BAALC: variants seen among roughly 807,000 people sequenced by gnomAD.
The protein encoded by BAALC is BAALC binder of MAP3K1 and KLF4.
Under a neutral mutation model 15.5 loss-of-function variants are expected in BAALC, and 9 were observed. The ratio of observed to expected loss-of-function variants is 0.58; its 90% CI spans 0.35 to 1.02. The LOEUF is 1.02. BAALC is among the 50% of genes least tolerant of loss of function. The probability of loss-of-function intolerance (pLI) is 0.02; values close to 1 mark genes in which losing one functional copy is unlikely to be tolerated. For missense variants in BAALC, 201 were observed against 192.4 expected (o/e 1.04, Z -0.27); for synonymous variants, 80 against 74.6 (o/e 1.07, Z -0.37).
chr8:103,213,295 A>G (rs965384138), intron 2 of BAALC: 9 of 540,650 alleles, frequency 1.7e-5, no homozygotes, highest in Non-Finnish European at 1.3e-5. Flanking sequence ...TTCCATGTGT[A>G]TGTTTGCTTA....
intron 1 of BAALC, among the ~76,000 whole-genome samples, chr8:103,150,204 C>T (rs1432588949): frequency 6.6e-6 from 1 of 152,178 alleles, no homozygotes; most frequent in East Asian, 1.9e-4. Context: ...ATGGGAAAGA[C>T]TCACCCCCAT....
At chr8:103,177,403 T>C (rs1477473054) in intron 1 of BAALC, among the ~76,000 whole-genome samples, 1 of 152,172 alleles carries the variant, frequency 6.6e-6, no homozygotes, top group Non-Finnish European at 1.5e-5. Flanking sequence ...CAGGCTGGTC[T>C]CAAACTCCTG....
At chr8:103,221,664 G>T (rs1297907910) in intron 2 of BAALC, among the ~76,000 whole-genome samples, 1 of 152,144 alleles carries the variant, frequency 6.6e-6, no homozygotes, top group African/African-American at 2.4e-5. Context: ...TCTTCTCAGC[G>T]GAGGGCAAAA....
At chr8:103,170,775 T>G (rs181719341) in intron 1 of BAALC, among the ~76,000 whole-genome samples, 1 of 152,294 alleles carries the variant, frequency 6.6e-6, no homozygotes, top group Admixed American at 6.5e-5. Flanking sequence ...TACAGATAGG[T>G]ATTAAGTTAC....
In BAALC at chr8:103,212,934, G is replaced by T. The variant is rs1461200476; in HGVS notation, c.176G>T (p.Gly59Val). 3.1e-6 allele frequency: 5 copies of T among 1,613,166 alleles called. No homozygotes were observed. The highest frequency in any genetic ancestry group is 3.4e-6 in the Non-Finnish European group (4 of 1,179,354). The change falls in exon 2 of 3, where the codon GGA becomes GTA. Residue 59 changes from glycine to valine, a missense_variant. Transcript: ENST00000309982. Reference protein sequence around the residue: ...GGLHSGMLEDGLPSNGVPRST... With the variant: ...GGLHSGMLEDVLPSNGVPRST... ...CCTCCCCCAGGCATGCTGGAAGATG[G>T]ACTGCCCTCCAATGGTGTGCCCCGA...
intron 1 of BAALC, among the ~76,000 whole-genome samples, chr8:103,147,193 G>A (rs1810895627): frequency 6.6e-6 from 1 of 152,188 alleles, no homozygotes; most frequent in African/African-American, 2.4e-5. Flanking sequence ...ATTGAACCTT[G>A]TCTTCATTGG....
intron 1 of BAALC, among the ~76,000 whole-genome samples, chr8:103,157,484 T>C (rs1285256592): frequency 6.6e-6 from 1 of 152,142 alleles, no homozygotes; most frequent in African/African-American, 2.4e-5. Flanking sequence ...AATACTTTAG[T>C]ATGAATCTCT....
At chr8:103,201,760 C>A (rs1009806755) in intron 1 of BAALC, among the ~76,000 whole-genome samples, 12 of 152,144 alleles carry the variant, frequency 7.9e-5, no homozygotes, top group African/African-American at 2.9e-4. Flanking sequence ...AAACTAGAAG[C>A]CTCAGATGTA....
At chr8:103,225,470 T>C (rs1812785751) in intron 2 of BAALC, among the ~76,000 whole-genome samples, 1 of 152,184 alleles carries the variant, frequency 6.6e-6, no homozygotes, top group Admixed American at 6.5e-5. Flanking sequence ...ATGCAAGTAA[T>C]TCTCATGCAA....
chr8:103,202,179 A>C (rs935430512), intron 1 of BAALC, among the ~76,000 whole-genome samples: 5 of 152,232 alleles, frequency 3.3e-5, no homozygotes, highest in African/African-American at 1.2e-4. Context: ...ATATGGCCTG[A>C]GCTGTGTACC....
At chr8:103,168,310 T>C (rs1043709584) in intron 1 of BAALC, among the ~76,000 whole-genome samples, 2 of 152,166 alleles carry the variant, frequency 1.3e-5, no homozygotes, top group African/African-American at 4.8e-5. Flanking sequence ...TAAGGCCTGA[T>C]CTATTGATTA....
chr8:103,180,319 T>C (rs1422484054), intron 1 of BAALC, among the ~76,000 whole-genome samples: 2 of 152,126 alleles, frequency 1.3e-5, no homozygotes, highest in Non-Finnish European at 2.9e-5. Context: ...TTTCCAGAAA[T>C]CTAACTGCAT....
In BAALC at chr8:103,205,626, G is replaced by A. The variant is rs1812311093; in HGVS notation, c.161-7293G>A. Among the ~76,000 whole-genome samples the A allele has an allele frequency of 2.0e-5, 3 of 152,154 alleles. 1 individual carries two copies. The highest frequency in any genetic ancestry group is 4.4e-5 in the Non-Finnish European group (3 of 68,044). ...ATCCCCTGCCTTAGAATCCCTGGGGGTGGGATACAGGGAACTTGTTAAGAT... is the reference window on the plus strand; with the variant it reads ...ATCCCCTGCCTTAGAATCCCTGGGGATGGGATACAGGGAACTTGTTAAGAT... On this transcript the variant is annotated intron_variant, in intron 1 of 2. Coordinates refer to ENST00000309982, the MANE Select transcript of BAALC (RefSeq NM_024812.3).
At chr8:103,149,761 G>A (rs1348527324) in intron 1 of BAALC, among the ~76,000 whole-genome samples, 1 of 152,070 alleles carries the variant, frequency 6.6e-6, no homozygotes, top group African/African-American at 2.4e-5. Flanking sequence ...AGAAGTAAAG[G>A]GATTTTTCTT....
chr8:103,225,137 T>G (rs1208755744), intron 2 of BAALC, among the ~76,000 whole-genome samples: 1 of 152,204 alleles, frequency 6.6e-6, no homozygotes. Flanking sequence ...AAAACCTGAG[T>G]GTAAGACTGA....
At chr8:103,219,031 C>G (rs935381807) in intron 2 of BAALC, among the ~76,000 whole-genome samples, 10 of 152,196 alleles carry the variant, frequency 6.6e-5, no homozygotes, top group Non-Finnish European at 1.5e-4. Flanking sequence ...GAGCGAACAA[C>G]AGAAACCTCT....
chr8:103,156,800 G>C (rs1345471361), intron 1 of BAALC, among the ~76,000 whole-genome samples: 1 of 152,196 alleles, frequency 6.6e-6, no homozygotes. Flanking sequence ...TGCTGTTATG[G>C]TGTTTACTTT....
chr8:103,149,886 CAGG>C (rs1810948232), intron 1 of BAALC, among the ~76,000 whole-genome samples: 1 of 152,224 alleles, frequency 6.6e-6, no homozygotes, highest in Non-Finnish European at 1.5e-5. Context: ...GCCCCCACAA[CAGG>C]CTCAGGCTGA....
At chr8:103,212,293 C>T (rs548523177) in intron 1 of BAALC, among the ~76,000 whole-genome samples, 1 of 152,058 alleles carries the variant, frequency 6.6e-6, no homozygotes, top group East Asian at 1.9e-4. Flanking sequence ...AAAAAATATA[C>T]AAAAATTAGC....
Sources: allele counts gnomAD v4.1 joint callset (sites outside exome capture counted in the v4.1 genomes callset), GRCh38; gene constraint gnomAD v4.1.1; transcripts MANE v1.5; gene names NCBI Gene and HGNC (gene_info 2026-07-23, HGNC 2026-07-21).